Variants in COL24A1 observed in about 807,000 individuals in gnomAD.
COL24A1 encodes collagen alpha-1(XXIV) chain.
In COL24A1, 224 loss-of-function variants were observed where a neutral mutation model predicts 253.9. That is an observed-to-expected ratio of 0.88 (90% CI 0.79 to 0.99). The LOEUF (loss-of-function observed/expected upper bound fraction) is 0.99. COL24A1 is among the 50% of genes least tolerant of loss of function. COL24A1 has a pLI of 0.00. For missense variants in COL24A1, 2,131 were observed against 2,068.5 expected (o/e 1.03, Z -0.59); for synonymous variants, 685 against 673.7 (o/e 1.02, Z -0.26).
chr1:85,737,788 T>C (rs1664210715), intron 57 of COL24A1, among the ~76,000 whole-genome samples: 1 of 152,150 alleles, frequency 6.6e-6, no homozygotes, highest in Non-Finnish European at 1.5e-5. Flanking sequence ...GGCCTTGAAC[T>C]CCTGACCTCA....
At chr1:85,914,971 G>T (rs1379834590) in intron 24 of COL24A1, among the ~76,000 whole-genome samples, 1 of 152,184 alleles carries the variant, frequency 6.6e-6, no homozygotes, top group Admixed American at 6.5e-5. Flanking sequence ...TGACAATGGG[G>T]AGGGCTGTCA....
intron 5 of COL24A1, among the ~76,000 whole-genome samples, chr1:86,105,371 G>A (rs563140305): frequency 1.3e-5 from 2 of 152,324 alleles, no homozygotes; most frequent in East Asian, 3.9e-4. Flanking sequence ...GGAAGGAACA[G>A]GTCAGCTGTT....
At chr1:85,930,381 C>A (rs1687700059) in intron 24 of COL24A1, among the ~76,000 whole-genome samples, 1 of 45,834 alleles carries the variant, frequency 2.2e-5, no homozygotes, top group South Asian at 8.6e-4. Context: ...AAGACTAAAC[C>A]AGGAAGAAGT....
intron 20 of COL24A1, among the ~76,000 whole-genome samples, chr1:85,981,210 A>G (rs1327575026): frequency 6.6e-6 from 1 of 152,176 alleles, no homozygotes; most frequent in Non-Finnish European, 1.5e-5. Flanking sequence ...CTAAGCAAAA[A>G]GAACAAATCT....
chr1:85,774,289 T>G (rs1668296144), intron 53 of COL24A1, among the ~76,000 whole-genome samples: 1 of 152,158 alleles, frequency 6.6e-6, no homozygotes, highest in African/African-American at 2.4e-5. Context: ...TTATTGAGGA[T>G]TTTTGCATTG....
chr1:85,747,922 A>C lies in COL24A1; in HGVS notation c.4438-2416T>G, dbSNP rs186028390. On this transcript the variant is annotated intron_variant, in intron 55 of 59. Coordinates refer to ENST00000370571, the MANE Select transcript of COL24A1 (RefSeq NM_152890.7). ...GCTTATACATGATTTTATTAACATA[A>C]TATATTGATCATTCTGAAAATACTG... 1.8e-3 allele frequency among the ~76,000 whole-genome samples: 281 copies of C among 152,322 alleles called. 2 individuals are homozygous for C. The highest frequency in any genetic ancestry group is 2.5e-3 in the Non-Finnish European group (169 of 68,028).
chr1:85,800,748 G>A (rs1043904243), intron 47 of COL24A1, among the ~76,000 whole-genome samples: 5 of 152,078 alleles, frequency 3.3e-5, no homozygotes, highest in African/African-American at 9.7e-5. Flanking sequence ...CACTGTCCCC[G>A]CCTCTGTGTA....
Position 85,756,374 on chromosome 1 carries a change from G to C in COL24A1, c.4437+5022C>G, listed in dbSNP as rs565187044. 4.0e-5 allele frequency among the ~76,000 whole-genome samples: 6 copies of C among 151,844 alleles called. No homozygotes were observed. In the South Asian group the frequency reaches 6.2e-4, roughly 16 times the overall value. On this transcript the variant is annotated intron_variant, in intron 55 of 59. Coordinates refer to ENST00000370571, the MANE Select transcript of COL24A1 (RefSeq NM_152890.7). Reference sequence around the variant, plus strand: ...GCAGAGGTTGCCGTGAGCTGAGATCGCACCACTGCACTCCAGCTTGGGCAA... The same window carrying C: ...GCAGAGGTTGCCGTGAGCTGAGATCCCACCACTGCACTCCAGCTTGGGCAA...
In COL24A1 at chr1:85,884,613, G is replaced by A. The variant is rs200301808; in HGVS notation, c.2976+4947C>T. ...GATATTACCCTTCTTCCACATCAAA[G>A]GCCAGAGGGGGCTGGAGTGGAATAT... On this transcript the variant is annotated intron_variant, in intron 32 of 59. Coordinates refer to ENST00000370571, the MANE Select transcript of COL24A1 (RefSeq NM_152890.7). Among the ~76,000 whole-genome samples, 14 of 152,248 alleles carry A rather than the reference G, an allele frequency of 9.2e-5. No individual in the cohort carries two copies. In the East Asian group the frequency reaches 2.7e-3, roughly 29 times the overall value.
chr1:85,801,943 A>ATC (rs779457043), intron 47 of COL24A1, among the ~76,000 whole-genome samples: 4 of 151,460 alleles, frequency 2.6e-5, no homozygotes, highest in African/African-American at 4.9e-5. Context: ...TACCCTTGAT[A>ATC]TCTCTCTCTC....
chr1:85,925,044 C>G (rs914732883), intron 24 of COL24A1, among the ~76,000 whole-genome samples: 1 of 152,016 alleles, frequency 6.6e-6, no homozygotes, highest in Non-Finnish European at 1.5e-5. Flanking sequence ...AAACAGAGAG[C>G]CAAATCATGA....
At chr1:85,831,101 A>G (rs1377769430) in intron 43 of COL24A1, among the ~76,000 whole-genome samples, 4 of 152,070 alleles carry the variant, frequency 2.6e-5, no homozygotes, top group East Asian at 1.9e-4. Context: ...TAGTCTTGAG[A>G]GCTTCTATAT....
At chr1:85,970,582 C>G (rs1692062799) in intron 21 of COL24A1, among the ~76,000 whole-genome samples, 1 of 151,886 alleles carries the variant, frequency 6.6e-6, no homozygotes, top group African/African-American at 2.4e-5. Context: ...TGTTTTTACT[C>G]CATTTATAGA....
chr1:85,782,123 G>A (rs1035388514), intron 51 of COL24A1, among the ~76,000 whole-genome samples: 1 of 152,152 alleles, frequency 6.6e-6, no homozygotes, highest in Non-Finnish European at 1.5e-5. Flanking sequence ...GCTTCTTGCT[G>A]TCGCCCAGGC....
chr1:85,846,921 C>T (rs923036381), intron 39 of COL24A1, among the ~76,000 whole-genome samples: 4 of 151,978 alleles, frequency 2.6e-5, no homozygotes, highest in African/African-American at 9.7e-5. Flanking sequence ...ATGGATTATG[C>T]AATGATCTCT....
At position 85,875,997 on chromosome 1, in the gene COL24A1, T is replaced by C. The variant is rs760789190; in HGVS notation, c.3031-667A>G. 3.0e-4 allele frequency among the ~76,000 whole-genome samples: 46 copies of C among 152,108 alleles called. 1 individual carries two copies. Among genetic ancestry groups the C allele is most frequent in the South Asian group, 4.1e-4 (2 of 4,822 alleles). On this transcript the variant is annotated intron_variant, in intron 33 of 59. Coordinates refer to ENST00000370571, the MANE Select transcript of COL24A1 (RefSeq NM_152890.7). Reference sequence around the variant, plus strand: ...CCCTTTAGGGAAGAGAAGAGTTTTATTGGGGACACGGGTGAACAGGTCTGC... The same window carrying C: ...CCCTTTAGGGAAGAGAAGAGTTTTACTGGGGACACGGGTGAACAGGTCTGC...
intron 47 of COL24A1, among the ~76,000 whole-genome samples, chr1:85,805,688 T>C (rs1411387862): frequency 6.6e-6 from 1 of 152,302 alleles, no homozygotes; most frequent in East Asian, 1.9e-4. Flanking sequence ...AAGGATTAAA[T>C]TTGTTAATAC....
At chr1:85,954,015 A>G (rs1690190693) in intron 24 of COL24A1, among the ~76,000 whole-genome samples, 1 of 152,218 alleles carries the variant, frequency 6.6e-6, no homozygotes. Flanking sequence ...TTGGAAAAGC[A>G]AAGTTCCATT....
At chr1:86,156,276 A>G (rs761793821) in intron 1 of COL24A1, 65 bp downstream of exon 1, 36 of 1,494,116 alleles carry the variant, frequency 2.4e-5, no homozygotes, top group Admixed American at 5.9e-5. Context: ...CAGGCTCAGC[A>G]GAACCAGGGG....
Sources: allele counts gnomAD v4.1 joint callset (sites outside exome capture counted in the v4.1 genomes callset), GRCh38; gene constraint gnomAD v4.1.1; transcripts MANE v1.5; gene names NCBI Gene and HGNC (gene_info 2026-07-23, HGNC 2026-07-21).